METTL25: variants seen among roughly 807,000 people sequenced by gnomAD.
METTL25 encodes methyltransferase like 25.
METTL25 carries 64 observed loss-of-function variants against 71.6 expected under a neutral mutation model. That is an observed-to-expected ratio of 0.89 (90% CI 0.73 to 1.10). METTL25 has a LOEUF of 1.10. Among genes scored for constraint, METTL25 ranks in the 50% least tolerant of loss-of-function variants. METTL25 has a pLI of 0.00. For synonymous variants in METTL25, 287 were observed against 250.3 expected (o/e 1.15, Z -1.38); for missense variants, 807 against 707.0 (o/e 1.14, Z -1.60).
At chr12:82,390,614 C>T (rs1885481692) in intron 3 of METTL25, among the ~76,000 whole-genome samples, 1 of 151,834 alleles carries the variant, frequency 6.6e-6, no homozygotes, top group Non-Finnish European at 1.5e-5. Flanking sequence ...AGAATCTTTC[C>T]ATGGATTCAT....
At chr12:82,376,313 A>G (rs1181601554) in intron 1 of METTL25, among the ~76,000 whole-genome samples, 1 of 152,226 alleles carries the variant, frequency 6.6e-6, no homozygotes, top group African/African-American at 2.4e-5. Flanking sequence ...AAAAACATGT[A>G]CATCTCTCAA....
At chr12:82,373,135 T>C (rs1434860334) in intron 1 of METTL25, among the ~76,000 whole-genome samples, 1 of 152,184 alleles carries the variant, frequency 6.6e-6, no homozygotes, top group African/African-American at 2.4e-5. Flanking sequence ...GTCCTAAGCG[T>C]TCTCCTGTTA....
intron 8 of METTL25, among the ~76,000 whole-genome samples, chr12:82,447,312 T>G (rs1177694348): frequency 5.3e-5 from 8 of 152,114 alleles, no homozygotes; most frequent in Non-Finnish European, 8.8e-5. Flanking sequence ...ATAGCAGCAA[T>G]GTTTATAAAA....
chr12:82,418,705 C>T (rs990560788), intron 5 of METTL25, among the ~76,000 whole-genome samples: 1 of 152,074 alleles, frequency 6.6e-6, no homozygotes, highest in East Asian at 1.9e-4. Context: ...ACTTGAGTTG[C>T]TTAATATGTA....
chr12:82,382,492 G>T (rs1038943513), intron 1 of METTL25, among the ~76,000 whole-genome samples: 37 of 152,160 alleles, frequency 2.4e-4, no homozygotes, highest in African/African-American at 8.9e-4. Flanking sequence ...AGCCTTAGGA[G>T]AATTTATTTT....
intron 9 of METTL25, among the ~76,000 whole-genome samples, chr12:82,469,979 C>T (rs1321396933): frequency 1.3e-5 from 2 of 152,126 alleles, no homozygotes; most frequent in African/African-American, 4.8e-5. Context: ...CTCAGTCCTT[C>T]TGATCATTGC....
intron 5 of METTL25, among the ~76,000 whole-genome samples, chr12:82,418,653 G>A (rs1026104907): frequency 2.6e-5 from 4 of 152,044 alleles, no homozygotes; most frequent in African/African-American, 9.7e-5. Flanking sequence ...TGCCACTCGT[G>A]ATGCTGTAAA....
intron 1 of METTL25, among the ~76,000 whole-genome samples, chr12:82,360,585 A>G (rs144606548): frequency 9.5e-4 from 145 of 152,162 alleles, no homozygotes; most frequent in African/African-American, 2.7e-3. Context: ...TAACGCTGAA[A>G]AGATAAGAAA....
intron 5 of METTL25, among the ~76,000 whole-genome samples, chr12:82,410,182 C>T (rs10732677): frequency 0.92 from 140,257 of 152,164 alleles, 64,983 homozygotes; most frequent in East Asian, 1. Context: ...TATGATATTC[C>T]GTCATATCAA....
chr12:82,424,591 T>A (rs1382430375), intron 5 of METTL25, among the ~76,000 whole-genome samples: 9 of 151,832 alleles, frequency 5.9e-5, no homozygotes, highest in African/African-American at 2.2e-4. Flanking sequence ...CAAAACTAGA[T>A]CTCACAGAAG....
intron 5 of METTL25, among the ~76,000 whole-genome samples, chr12:82,404,711 G>A (rs1259979883): frequency 6.6e-6 from 1 of 152,136 alleles, no homozygotes; most frequent in Non-Finnish European, 1.5e-5. Context: ...GGGAGGCCGA[G>A]GCAGGCAGAT....
chr12:82,416,943 A>G (rs1156450917), intron 5 of METTL25, among the ~76,000 whole-genome samples: 1 of 152,146 alleles, frequency 6.6e-6, no homozygotes, highest in Non-Finnish European at 1.5e-5. Flanking sequence ...AATTTTATAG[A>G]ATTGTCCTGT....
At chr12:82,410,727 A>G (rs1187530326) in intron 5 of METTL25, among the ~76,000 whole-genome samples, 3 of 152,082 alleles carry the variant, frequency 2.0e-5, no homozygotes, top group South Asian at 2.1e-4. Context: ...GGAGGAAACT[A>G]TGAGCCATAA....
chr12:82,473,935 G>T (rs747941943), intron 9 of METTL25, among the ~76,000 whole-genome samples: 1 of 152,180 alleles, frequency 6.6e-6, no homozygotes, highest in Non-Finnish European at 1.5e-5. Flanking sequence ...AACCCCAGTG[G>T]TGTAGAGGTA....
At chr12:82,437,318 G>C (rs1889991028) in intron 7 of METTL25, among the ~76,000 whole-genome samples, 1 of 151,594 alleles carries the variant, frequency 6.6e-6, no homozygotes, top group South Asian at 2.1e-4. Flanking sequence ...TATTTTAGCA[G>C]TTATTTGGGG....
chr12:82,366,167 CAA>C (rs1882553937), intron 1 of METTL25, among the ~76,000 whole-genome samples: 1 of 152,118 alleles, frequency 6.6e-6, no homozygotes, highest in African/African-American at 2.4e-5. Context: ...ACTATCCTAA[CAA>C]ATGAGTGTTA....
At chr12:82,390,094 C>T (rs975568048) in intron 3 of METTL25, among the ~76,000 whole-genome samples, 172 bp downstream of exon 3, 3 of 151,888 alleles carry the variant, frequency 2.0e-5, no homozygotes, top group Middle Eastern at 3.2e-3. Flanking sequence ...CTGTTATTTC[C>T]TAGTATATTG....
chr12:82,415,613 G>T (rs1294254461), intron 5 of METTL25, among the ~76,000 whole-genome samples: 5 of 152,100 alleles, frequency 3.3e-5, no homozygotes, highest in Admixed American at 1.3e-4. Context: ...TGCCACTGGT[G>T]TAAGTCACAG....
intron 8 of METTL25, among the ~76,000 whole-genome samples, chr12:82,444,103 A>G (rs1268267355): frequency 6.6e-6 from 1 of 152,198 alleles, no homozygotes; most frequent in Non-Finnish European, 1.5e-5. Flanking sequence ...TTTGCACTCA[A>G]CCCAAATAAG....
Sources: allele counts gnomAD v4.1 joint callset (sites outside exome capture counted in the v4.1 genomes callset), GRCh38; gene constraint gnomAD v4.1.1; transcripts MANE v1.5; gene names NCBI Gene and HGNC (gene_info 2026-07-23, HGNC 2026-07-21).